The following VSTM5 variants were observed in gnomAD, a reference collection of about 807,000 sequenced individuals.
VSTM5 encodes the protein V-set and transmembrane domain-containing protein 5.
A neutral mutation model predicts 20.3 loss-of-function variants in VSTM5; 21 were observed. The ratio of observed to expected loss-of-function variants is 1.03; its 90% CI spans 0.73 to 1.49. The LOEUF (loss-of-function observed/expected upper bound fraction) is 1.49, where lower values mean the gene tolerates loss of function less well. Ranked by LOEUF, VSTM5 falls within the 40% of genes most tolerant of loss-of-function variation. The pLI is 0.00. For missense variants in VSTM5, 219 were observed against 250.0 expected, an observed-to-expected ratio of 0.88 and a Z score of 0.84; for synonymous variants, 100 against 102.5, an observed-to-expected ratio of 0.98 and a Z score of 0.14.
At position 93,849,141 on chromosome 11, in the gene VSTM5, CTTCTT is replaced by C. The variant is rs534554180; in HGVS notation, c.91+1266_91+1270del. ...ATAATATTATTTTTTCTCTCTCTCT[CTTCTT>C]TTCTTTTTCTTTCGCTTTGGAGAAG... On this transcript the variant is annotated intron_variant, in intron 1 of 3. Transcript: ENST00000409977. Among the ~76,000 whole-genome samples the C allele has an allele frequency of 6.5e-3, 982 of 152,174 alleles. 11 individuals are homozygous for C. The highest frequency in any genetic ancestry group is 0.022 in the African/African-American group (932 of 41,494).
Position 93,838,303 on chromosome 11 carries a change from T to G in VSTM5, c.91+12109A>C, listed in dbSNP as rs141489289. On this transcript the variant is annotated intron_variant, in intron 1 of 3. Coordinates refer to ENST00000409977, the MANE Select transcript of VSTM5 (RefSeq NM_001144871.2). The stretch of plus-strand genomic sequence containing the variant: ...GCCTGGCCAATGTGGTGAAACTCCG[T>G]CTCTATTAAAAATACAAAAATCAGC... 2.2e-3 allele frequency among the ~76,000 whole-genome samples: 341 copies of G among 151,778 alleles called. 10 individuals carry two copies. In the East Asian group the frequency reaches 0.058, roughly 26 times the overall value.
In VSTM5 at chr11:93,820,405, C is replaced by G; in HGVS notation, c.*164G>C. On this transcript the variant is annotated 3_prime_UTR_variant, in exon 4 of 4. Transcript: ENST00000409977. ...AGTCCTAATACTAGCTTTGTCCCAT[C>G]CACAGTCCTCAACTCCATGCAGTCA... The G allele has an allele frequency of 1.4e-6, 1 of 712,662 alleles. No individual in the cohort carries two copies. Among genetic ancestry groups the G allele is most frequent in the African/African-American group, 1.8e-5 (1 of 56,136 alleles). 44.1% of individuals were successfully genotyped at this position (712,662 alleles called of 1,614,324 possible). A position where few individuals can be genotyped will look rare whatever the true frequency, so the allele number is the denominator to read the frequency against.
At chr11:93,833,353 C>T (rs192384798) in intron 1 of VSTM5, among the ~76,000 whole-genome samples, 128 of 152,086 alleles carry the variant, frequency 8.4e-4, no homozygotes, top group African/African-American at 2.8e-3. Flanking sequence ...CTGAGGCAGG[C>T]GGATCGCCTG....
At position 93,821,121 on chromosome 11, in the gene VSTM5, G is replaced by T. The variant is rs1381197040; in HGVS notation, c.294C>A (p.Cys98Ter). 2.6e-6 allele frequency: 4 copies of T among 1,551,978 alleles called. No homozygotes were observed. In the African/African-American group the frequency reaches 5.5e-5, roughly 21 times the overall value. Reference protein sequence around the residue: ...NISQSHKDRVCTFDNGSIQLF... With the variant: ...NISQSHKDRV ...GCTGGATGGAGCCGTTGTCAAAGGT[G>T]CAGACTCTGTCCTTGTGGCTTTGAG... The change falls in exon 2 of 4, where the codon TGC (cysteine) becomes TGA (stop). Residue 98 changes from cysteine to a stop codon, truncating the protein, a stop_gained. Transcript: ENST00000409977. LOFTEE classifies it high-confidence loss of function.
intron 1 of VSTM5, among the ~76,000 whole-genome samples, chr11:93,835,322 CTG>C (rs1491578394): frequency 6.6e-6 from 1 of 151,928 alleles, no homozygotes; most frequent in Non-Finnish European, 1.5e-5. Context: ...ACTCAGGAGA[CTG>C]AGGGGGGAAG....
At chr11:93,843,404 T>C (rs556020185) in intron 1 of VSTM5, among the ~76,000 whole-genome samples, 1 of 152,290 alleles carries the variant, frequency 6.6e-6, no homozygotes, top group East Asian at 1.9e-4. Context: ...TTGGTGACCA[T>C]TGAATCCCCA....
intron 1 of VSTM5, among the ~76,000 whole-genome samples, chr11:93,836,673 C>G (rs1944325636): frequency 6.6e-6 from 1 of 152,204 alleles, no homozygotes; most frequent in African/African-American, 2.4e-5. Flanking sequence ...TTTCATAGCA[C>G]TTTTCCATCA....
intron 1 of VSTM5, among the ~76,000 whole-genome samples, chr11:93,847,343 T>C (rs1944422140): frequency 6.6e-6 from 1 of 152,052 alleles, no homozygotes; most frequent in African/African-American, 2.4e-5. Context: ...GAGGATTCCT[T>C]CTATACTGGC....
At chr11:93,825,189 A>G (rs1944222133) in intron 1 of VSTM5, among the ~76,000 whole-genome samples, 1 of 152,132 alleles carries the variant, frequency 6.6e-6, no homozygotes, top group Non-Finnish European at 1.5e-5. Flanking sequence ...TTTTCTTGAG[A>G]CAGGGTCTCC....
intron 1 of VSTM5, among the ~76,000 whole-genome samples, chr11:93,823,814 G>A (rs1944209856): frequency 6.8e-6 from 1 of 147,850 alleles, no homozygotes; most frequent in South Asian, 2.2e-4. Flanking sequence ...CTTGGCTATT[G>A]TGAATATGGT....
In VSTM5 at chr11:93,837,350, CT is replaced by C. The variant is rs1284981424; in HGVS notation, c.91+13061del. ...CCCAGCCTGAAATATATTTTTGATC[CT>C]TCCGTCTAAACATCCCTGTATCACA... On this transcript the variant is annotated intron_variant, in intron 1 of 3. Transcript: ENST00000409977. Among the ~76,000 whole-genome samples the C allele has an allele frequency of 2.0e-5, 3 of 151,966 alleles. No individual in the cohort carries two copies. The East Asian group carries it at 5.8e-4, about 29-fold the overall frequency.
intron 1 of VSTM5, among the ~76,000 whole-genome samples, chr11:93,846,069 A>G (rs1448486428): frequency 1.3e-5 from 2 of 152,182 alleles, no homozygotes; most frequent in East Asian, 3.9e-4. Context: ...GCTGGTCTCA[A>G]ACTCCTGAGC....
chr11:93,831,041 G>A (rs1029855994), intron 1 of VSTM5, among the ~76,000 whole-genome samples: 1 of 152,116 alleles, frequency 6.6e-6, no homozygotes, highest in East Asian at 1.9e-4. Flanking sequence ...TTACAGGTGT[G>A]TGCCATCACG....
intron 1 of VSTM5, among the ~76,000 whole-genome samples, chr11:93,846,283 G>A (rs928365577): frequency 1.3e-5 from 2 of 152,188 alleles, no homozygotes; most frequent in Non-Finnish European, 2.9e-5. Context: ...TAATGGAGAG[G>A]AGAGTCTCCT....
At chr11:93,828,322 C>A (rs1944254618) in intron 1 of VSTM5, among the ~76,000 whole-genome samples, 1 of 152,158 alleles carries the variant, frequency 6.6e-6, no homozygotes, top group South Asian at 2.1e-4. Flanking sequence ...GTGAGACCCT[C>A]TGGTAACTAA....
At chr11:93,826,364 C>T (rs78630092) in intron 1 of VSTM5, among the ~76,000 whole-genome samples, 1,680 of 152,006 alleles carry the variant, frequency 0.011, 34 homozygotes, top group African/African-American at 0.038. Flanking sequence ...TCTAATACTT[C>T]CTTGAAGTGT....
intron 1 of VSTM5, among the ~76,000 whole-genome samples, chr11:93,833,631 T>C (rs139743283): frequency 1.7e-4 from 26 of 152,310 alleles, no homozygotes; most frequent in African/African-American, 6.0e-4. Context: ...TACTGGAAAA[T>C]GTTGGTATAA....
chr11:93,834,504 T>C (rs1195350158), intron 1 of VSTM5, among the ~76,000 whole-genome samples: 1 of 152,084 alleles, frequency 6.6e-6, no homozygotes, highest in Non-Finnish European at 1.5e-5. Context: ...TGGCCATGTG[T>C]GGTGGCTCAT....
intron 1 of VSTM5, among the ~76,000 whole-genome samples, chr11:93,823,126 A>T (rs1284810262): frequency 6.6e-6 from 1 of 152,132 alleles, no homozygotes; most frequent in African/African-American, 2.4e-5. Context: ...TCAGATGCTG[A>T]TACAACTGGA....
Sources: allele counts gnomAD v4.1 joint callset (sites outside exome capture counted in the v4.1 genomes callset), GRCh38; gene constraint gnomAD v4.1.1; transcripts MANE v1.5; gene names NCBI Gene and HGNC (gene_info 2026-07-23, HGNC 2026-07-21).